Variants in KCNC2 observed in about 807,000 individuals in gnomAD.
KCNC2 encodes the protein voltage-gated potassium channel KCNC2.
In KCNC2, 21 loss-of-function variants were observed where a neutral mutation model predicts 44.5. That is an observed-to-expected ratio of 0.47 (90% CI 0.33 to 0.68). The LOEUF is 0.68. Ranked by LOEUF, KCNC2 falls within the 30% of genes least tolerant of loss-of-function variation. The probability of loss-of-function intolerance (pLI) is 0.01; values close to 1 mark genes in which losing one functional copy is unlikely to be tolerated. For missense variants in KCNC2, 589 were observed against 826.2 expected (o/e 0.71, Z 3.52); for synonymous variants, 391 against 339.1 (o/e 1.15, Z -1.68).
intron 2 of KCNC2, among the ~76,000 whole-genome samples, chr12:75,159,394 A>T (rs1436691543): frequency 2.0e-5 from 3 of 151,920 alleles, no homozygotes; most frequent in Admixed American, 6.6e-5. Flanking sequence ...TTAAGTTAAG[A>T]TAAAACTTAG....
At position 75,132,970 on chromosome 12, in the gene KCNC2, T is replaced by C. The variant is rs117582484; in HGVS notation, c.687+74327A>G. The stretch of plus-strand genomic sequence containing the variant: ...TCATCTTTACATTTACATCCTCTGG[T>C]TGATGAATTAGCGTGCAAGGTTGCT... On this transcript the variant is annotated intron_variant, in intron 2 of 4. Coordinates refer to ENST00000549446, the MANE Select transcript of KCNC2 (RefSeq NM_139137.4). Among the ~76,000 whole-genome samples the C allele has an allele frequency of 7.2e-5, 11 of 152,178 alleles. No homozygotes were observed. In the East Asian group the frequency reaches 2.1e-3, roughly 29 times the overall value.
chr12:75,040,998 T>G lies in KCNC2; in HGVS notation c.*2107A>C. 1 of 854,046 alleles carries G rather than the reference T, an allele frequency of 1.2e-6. No homozygotes were observed. The highest frequency in any genetic ancestry group is 1.9e-6 in the Non-Finnish European group (1 of 523,928). The allele number at this position is 854,046 out of a possible 1,614,324, so 52.9% of individuals were successfully genotyped here. On this transcript the variant is annotated 3_prime_UTR_variant, in exon 5 of 5. Transcript: ENST00000549446. ...TGGCCAGTCTACAAGCAGAGCACTC[T>G]CATGGGGAGCACCAGATGAGTTCCA...
intron 2 of KCNC2, among the ~76,000 whole-genome samples, chr12:75,053,003 C>A (rs1183351961): frequency 6.6e-6 from 1 of 152,016 alleles, no homozygotes; most frequent in Non-Finnish European, 1.5e-5. Context: ...TAATAACATT[C>A]TTTTGTCATT....
rs189246092 is a variant in KCNC2, at chr12:75,097,423, T to C, written c.688-46106A>G. 2.0e-5 allele frequency among the ~76,000 whole-genome samples: 3 copies of C among 152,220 alleles called. No individual in the cohort carries two copies. The East Asian group carries it at 5.8e-4, about 29-fold the overall frequency. On this transcript the variant is annotated intron_variant, in intron 2 of 4. Coordinates refer to ENST00000549446, the MANE Select transcript of KCNC2 (RefSeq NM_139137.4). Reference sequence around the variant, plus strand: ...GGACTTTGGTTCATAATAATGTATGTATATTGGGCCATTAATTGTAACAAA... The same window carrying C: ...GGACTTTGGTTCATAATAATGTATGCATATTGGGCCATTAATTGTAACAAA...
chr12:75,166,683 G>A (rs1023607430), intron 2 of KCNC2, among the ~76,000 whole-genome samples: 8 of 151,104 alleles, frequency 5.3e-5, no homozygotes, highest in South Asian at 4.2e-4. Context: ...CAAATAGTCA[G>A]AAATTAAACA....
chr12:75,144,970 A>T (rs1207753965), intron 2 of KCNC2, among the ~76,000 whole-genome samples: 2 of 152,110 alleles, frequency 1.3e-5, no homozygotes, highest in African/African-American at 4.8e-5. Context: ...GAAAAAAGGG[A>T]TTATGCTTAT....
chr12:75,184,456 T>C (rs1211943056), intron 2 of KCNC2, among the ~76,000 whole-genome samples: 1 of 152,218 alleles, frequency 6.6e-6, no homozygotes, highest in East Asian at 1.9e-4. Flanking sequence ...CACTGGTTTA[T>C]GTTCTTCTAT....
chr12:75,156,496 C>A (rs1340953071), intron 2 of KCNC2, among the ~76,000 whole-genome samples: 2 of 151,622 alleles, frequency 1.3e-5, no homozygotes, highest in African/African-American at 4.8e-5. Context: ...TATTGTCTGG[C>A]CCATTACAGA....
intron 2 of KCNC2, among the ~76,000 whole-genome samples, chr12:75,177,057 T>TATATATATATATATATATATAC (rs1491339880): frequency 3.1e-4 from 40 of 127,250 alleles, no homozygotes; most frequent in African/African-American, 1.2e-3. Flanking sequence ...TATATATATA[T>TATATATATATATATATATATAC]ACACACACAC....
intron 2 of KCNC2, among the ~76,000 whole-genome samples, chr12:75,203,226 T>C (rs548437056): frequency 2.5e-4 from 38 of 151,946 alleles, no homozygotes; most frequent in Admixed American, 6.5e-4. Context: ...AATGTTTATT[T>C]AGATCATGTC....
At chr12:75,104,963 A>G (rs1285484075) in intron 2 of KCNC2, among the ~76,000 whole-genome samples, 1 of 152,152 alleles carries the variant, frequency 6.6e-6, no homozygotes, top group Non-Finnish European at 1.5e-5. Context: ...CTCCCATGTT[A>G]GGCACTGATT....
chr12:75,074,678 C>G (rs1321410466), intron 2 of KCNC2, among the ~76,000 whole-genome samples: 1 of 152,154 alleles, frequency 6.6e-6, no homozygotes, highest in Non-Finnish European at 1.5e-5. Context: ...AAAAACTGAG[C>G]TTTGCTCAGC....
At chr12:75,179,535 G>A (rs1892412453) in intron 2 of KCNC2, among the ~76,000 whole-genome samples, 1 of 151,114 alleles carries the variant, frequency 6.6e-6, no homozygotes, top group East Asian at 1.9e-4. Context: ...ATGTATTTTG[G>A]CTAATTTATG....
At chr12:75,128,127 T>A (rs970658982) in intron 2 of KCNC2, among the ~76,000 whole-genome samples, 1 of 152,078 alleles carries the variant, frequency 6.6e-6, no homozygotes, top group Middle Eastern at 3.2e-3. Flanking sequence ...TTATATTCAC[T>A]CAGAAGTAGA....
intron 2 of KCNC2, among the ~76,000 whole-genome samples, chr12:75,107,223 G>A (rs1187299129): frequency 6.6e-6 from 1 of 152,112 alleles, no homozygotes; most frequent in Non-Finnish European, 1.5e-5. Context: ...AGAATCGTCT[G>A]AACCCAGGAG....
chr12:75,086,681 A>AAT (rs398044519), intron 2 of KCNC2, among the ~76,000 whole-genome samples: 108 of 54,176 alleles, frequency 2.0e-3, no homozygotes, highest in East Asian at 8.2e-3. Context: ...AAAAAAAAAA[A>AAT]ATATATATAT....
chr12:75,148,707 G>A (rs746401953), intron 2 of KCNC2, among the ~76,000 whole-genome samples: 1 of 151,604 alleles, frequency 6.6e-6, no homozygotes, highest in Non-Finnish European at 1.5e-5. Context: ...GCGTTGTTGT[G>A]GTTTTATTGC....
intron 2 of KCNC2, among the ~76,000 whole-genome samples, chr12:75,128,260 A>G (rs1279335460): frequency 6.6e-6 from 1 of 152,214 alleles, no homozygotes; most frequent in Non-Finnish European, 1.5e-5. Flanking sequence ...GGCCAGCCTC[A>G]CATCCCCATA....
intron 2 of KCNC2, among the ~76,000 whole-genome samples, chr12:75,115,151 C>T (rs553530254): frequency 6.6e-6 from 1 of 152,272 alleles, no homozygotes; most frequent in East Asian, 1.9e-4. Flanking sequence ...GCGTGAGCCA[C>T]CGCGCCCTGC....
Sources: gnomAD v4.1 joint callset for allele counts (sites outside exome capture counted in the v4.1 genomes callset) on GRCh38, gnomAD v4.1.1 for gene constraint, MANE v1.5 for transcripts, NCBI Gene and HGNC (gene_info 2026-07-23, HGNC 2026-07-21) for gene names.